Variants in RPRD2 observed in about 807,000 individuals in gnomAD.
The protein encoded by RPRD2 is regulation of nuclear pre-mRNA domain-containing protein 2.
In RPRD2, 12 loss-of-function variants were observed where a neutral mutation model predicts 104.4. The ratio of observed to expected loss-of-function variants is 0.11; its 90% CI spans 0.07 to 0.19. The LOEUF is 0.19. RPRD2 is among the 10% of genes least tolerant of loss of function. The pLI is 1.00. For synonymous variants in RPRD2, 714 were observed against 684.9 expected (o/e 1.04, Z -0.66); for missense variants, 1,543 against 1,790.1 (o/e 0.86, Z 2.49).
At chr1:150,451,783 T>C (rs1435915081) in intron 7 of RPRD2, among the ~76,000 whole-genome samples, 3 of 151,616 alleles carry the variant, frequency 2.0e-5, no homozygotes, top group Non-Finnish European at 2.9e-5. Flanking sequence ...GCTGATATAA[T>C]CAAGTTAAAA....
chr1:150,452,473 G>A (rs1481723183), intron 7 of RPRD2, among the ~76,000 whole-genome samples: 1 of 152,076 alleles, frequency 6.6e-6, no homozygotes, highest in Non-Finnish European at 1.5e-5. Flanking sequence ...TTGTGAGGAA[G>A]TATTTTGAAA....
chr1:150,427,270 C>T (rs1283876032), intron 2 of RPRD2, among the ~76,000 whole-genome samples: 2 of 152,136 alleles, frequency 1.3e-5, no homozygotes, highest in East Asian at 3.9e-4. Context: ...GTCCGGAGAT[C>T]GAGACCATCC....
intron 2 of RPRD2, among the ~76,000 whole-genome samples, chr1:150,430,636 A>G (rs1553891459): frequency 6.6e-6 from 1 of 152,150 alleles, no homozygotes; most frequent in African/African-American, 2.4e-5. Flanking sequence ...TCTTTAGAAG[A>G]TAACACTGTC....
intron 1 of RPRD2, among the ~76,000 whole-genome samples, chr1:150,374,017 G>A (rs1660525024): frequency 1.3e-5 from 2 of 152,140 alleles, no homozygotes; most frequent in Admixed American, 6.6e-5. Context: ...CATTTTGTAT[G>A]CTAATGAGTT....
intron 1 of RPRD2, 95 bp downstream of exon 1, chr1:150,365,014 T>G: frequency 7.8e-7 from 1 of 1,274,942 alleles, no homozygotes; most frequent in Non-Finnish European, 1.1e-6. Flanking sequence ...GCCGCAGCAT[T>G]TGGTTGGGGT....
intron 1 of RPRD2, among the ~76,000 whole-genome samples, chr1:150,387,419 G>A (rs1410926397): frequency 1.3e-5 from 2 of 152,064 alleles, no homozygotes; most frequent in East Asian, 3.9e-4. Context: ...CAGAAACTAA[G>A]AGAAGAGAAA....
At chr1:150,430,465 C>T (rs907804961) in intron 2 of RPRD2, among the ~76,000 whole-genome samples, 6 of 151,998 alleles carry the variant, frequency 3.9e-5, no homozygotes, top group African/African-American at 1.4e-4. Flanking sequence ...CCCAGGAGTT[C>T]AAGACCAGCC....
At chr1:150,403,847 T>A (rs1010006121) in intron 1 of RPRD2, among the ~76,000 whole-genome samples, 7 of 152,102 alleles carry the variant, frequency 4.6e-5, no homozygotes, top group Non-Finnish European at 8.8e-5. Context: ...TTGCCCAAAC[T>A]GGCCTGAAAC....
chr1:150,406,457 A>T (rs1186134716), intron 1 of RPRD2, among the ~76,000 whole-genome samples: 1 of 152,208 alleles, frequency 6.6e-6, no homozygotes. Flanking sequence ...CCCAGGCTAG[A>T]GTGCAGTGGC....
chr1:150,401,519 C>G (rs1663005139), intron 1 of RPRD2, among the ~76,000 whole-genome samples: 1 of 151,896 alleles, frequency 6.6e-6, no homozygotes, highest in Non-Finnish European at 1.5e-5. Flanking sequence ...ACTTTGTTGC[C>G]CAGGTTGGAG....
At chr1:150,438,799 G>C (rs115508696) in intron 2 of RPRD2, among the ~76,000 whole-genome samples, 2,114 of 152,062 alleles carry the variant, frequency 0.014, 55 homozygotes, top group African/African-American at 0.048. Context: ...TCACTGTATT[G>C]AATACTATAG....
intron 2 of RPRD2, among the ~76,000 whole-genome samples, chr1:150,434,473 G>A (rs1485351946): frequency 1.3e-5 from 2 of 152,098 alleles, no homozygotes; most frequent in East Asian, 1.9e-4. Context: ...GTTTAGGAAC[G>A]TTAAGTATAA....
chr1:150,370,711 A>C (rs1329514474), intron 1 of RPRD2, among the ~76,000 whole-genome samples: 2 of 150,456 alleles, frequency 1.3e-5, no homozygotes, highest in Non-Finnish European at 2.9e-5. Context: ...AGCAGTTGGG[A>C]TTACAGGTAC....
Position 150,464,542 on chromosome 1 carries a change from C to T in RPRD2, c.1427C>T (p.Ser476Leu). 1 of 1,601,064 alleles carries T rather than the reference C, an allele frequency of 6.2e-7. No homozygotes were observed. Among genetic ancestry groups the T allele is most frequent in the Non-Finnish European group, 8.5e-7 (1 of 1,173,760 alleles). Residue 476 changes from serine (S) to leucine (L), a missense_variant, in exon 10 of 11, where the codon TCA becomes TTA. Transcript: ENST00000369068. ...VMKNTGVSPASRPSPGTPTSP... is the reference protein window; with the variant it reads ...VMKNTGVSPALRPSPGTPTSP... ...CTGCCACCAGGGGTCAGTCCTGCATCAAGACCTTCTCCAGGAACGCCCACC... is the reference window on the plus strand; with the variant it reads ...CTGCCACCAGGGGTCAGTCCTGCATTAAGACCTTCTCCAGGAACGCCCACC...
intron 2 of RPRD2, among the ~76,000 whole-genome samples, chr1:150,438,469 A>AG (rs1398701880): frequency 1.3e-5 from 2 of 152,034 alleles, no homozygotes; most frequent in Non-Finnish European, 2.9e-5. Context: ...CTACTAAAAA[A>AG]AAATACAAAA....
intron 2 of RPRD2, among the ~76,000 whole-genome samples, chr1:150,423,314 T>C (rs1553890051): frequency 6.6e-6 from 1 of 152,216 alleles, no homozygotes; most frequent in African/African-American, 2.4e-5. Flanking sequence ...ATATAGATTA[T>C]AGAAGAATCC....
At chr1:150,452,466 T>A (rs1667251102) in intron 7 of RPRD2, among the ~76,000 whole-genome samples, 1 of 152,200 alleles carries the variant, frequency 6.6e-6, no homozygotes, top group Admixed American at 6.5e-5. Context: ...GAATGTTTTG[T>A]GAGGAAGTAT....
At chr1:150,409,644 A>G (rs1403619646) in intron 1 of RPRD2, among the ~76,000 whole-genome samples, 2 of 120,258 alleles carry the variant, frequency 1.7e-5, no homozygotes, top group African/African-American at 2.7e-5. Context: ...TGATGTTGCA[A>G]TTCTTTTTTT....
Position 150,471,981 on chromosome 1 carries a change from T to C in RPRD2, c.3033T>C (p.Asn1011=), listed in dbSNP as rs771368148. Residue 1011 remains asparagine, a synonymous_variant, in exon 11 of 11, where the codon AAT becomes AAC. Transcript: ENST00000369068. The surrounding 1 kb of genome is among the most constrained non-coding windows in gnomAD (Gnocchi z 5.3). ...CCACGTCGACGATTGAATTTAAGAA[T>C]ATGCTTAAAAACGCCTCACGTAAGC... ...ISTTSTIEFK[N]MLKNASRKPS... The C allele has an allele frequency of 6.2e-7, 1 of 1,613,812 alleles. No homozygotes were observed. The highest frequency in any genetic ancestry group is 8.5e-7 in the Non-Finnish European group (1 of 1,179,880).
Sources: gnomAD v4.1 joint callset for allele counts (sites outside exome capture counted in the v4.1 genomes callset) on GRCh38, gnomAD v4.1.1 for gene constraint, Gnocchi (gnomAD v3.1) non-coding constraint, MANE v1.5 for transcripts, NCBI Gene and HGNC (gene_info 2026-07-23, HGNC 2026-07-21) for gene names.